Variants in DCP2 observed in about 807,000 individuals in gnomAD.
The protein encoded by DCP2 is m7GpppN-mRNA hydrolase.
DCP2 carries 30 observed loss-of-function variants against 56.1 expected under a neutral mutation model. That is an observed-to-expected ratio of 0.53 (90% CI 0.40 to 0.73). The LOEUF is 0.73. Among genes scored for constraint, DCP2 ranks in the 30% least tolerant of loss-of-function variants. The pLI is 0.00. For missense variants in DCP2, 533 were observed against 502.7 expected (o/e 1.06, Z -0.58); for synonymous variants, 197 against 163.3 (o/e 1.21, Z -1.57).
At chr5:112,983,571 A>T (rs150155166) in intron 1 of DCP2, among the ~76,000 whole-genome samples, 9 of 152,194 alleles carry the variant, frequency 5.9e-5, no homozygotes, top group African/African-American at 2.2e-4. Flanking sequence ...ACCTTTCAGC[A>T]CTGAAGGATA....
chr5:113,008,751 A>G (rs1353176054), intron 9 of DCP2, among the ~76,000 whole-genome samples: 1 of 152,226 alleles, frequency 6.6e-6, no homozygotes, highest in African/African-American at 2.4e-5. Context: ...TCTGTCTGAT[A>G]AAAGTGGTGA....
intron 1 of DCP2, among the ~76,000 whole-genome samples, chr5:112,981,502 T>A (rs1232669620): frequency 6.6e-6 from 1 of 152,164 alleles, no homozygotes; most frequent in Admixed American, 6.5e-5. Context: ...GTCTGTTATA[T>A]TTTGTGCTAT....
In DCP2 at chr5:113,014,316, T is replaced by G. The variant is rs1420433424; in HGVS notation, c.*832T>G. 2 of 152,346 alleles carry G rather than the reference T, an allele frequency of 1.3e-5. No homozygotes were observed. Among genetic ancestry groups the G allele is most frequent in the East Asian group, 3.8e-4 (2 of 5,196 alleles). The allele number at this position is 152,346 out of a possible 1,614,324, so 9.4% of individuals were successfully genotyped here. A position where few individuals can be genotyped will look rare whatever the true frequency, so the allele number is the denominator to read the frequency against. ...GTTCTTGTGGAAATTTCTTCTGTAT[T>G]CCAGTTGTGTAAATATGTATGGAAA... On this transcript the variant is annotated 3_prime_UTR_variant, in exon 11 of 11. Coordinates refer to ENST00000389063, the MANE Select transcript of DCP2 (RefSeq NM_152624.6).
chr5:112,976,981 C>T lies in DCP2; in HGVS notation c.48C>T (p.Leu16=). 6.4e-7 allele frequency: 1 copy of T among 1,559,650 alleles called. No individual in the cohort carries two copies. The highest frequency in any genetic ancestry group is 2.4e-5 in the East Asian group (1 of 41,920). ...VEIPGSVLDD[L]CSRFILHIPS... ...TTCCCGGCAGCGTCCTGGACGATCTCTGCAGGTACCGCGCTACCCGACCCC... is the reference window on the plus strand; with the variant it reads ...TTCCCGGCAGCGTCCTGGACGATCTTTGCAGGTACCGCGCTACCCGACCCC... The change falls in exon 1 of 11, where the codon CTC becomes CTT. Residue 16 remains leucine (L), a synonymous_variant. Transcript: ENST00000389063.
chr5:112,988,221 G>T (rs1156378552), intron 2 of DCP2, among the ~76,000 whole-genome samples: 1 of 151,708 alleles, frequency 6.6e-6, no homozygotes, highest in Non-Finnish European at 1.5e-5. Flanking sequence ...GGTGGCTCAT[G>T]CCTGTAATCC....
At chr5:112,981,772 TTTTG>T (rs1748017837) in intron 1 of DCP2, among the ~76,000 whole-genome samples, 3 of 152,122 alleles carry the variant, frequency 2.0e-5, no homozygotes, top group South Asian at 2.1e-4. Flanking sequence ...CTTCTAGCCT[TTTTG>T]TTTGTTTGTT....
At chr5:113,008,506 G>T (rs866617999) in intron 9 of DCP2, among the ~76,000 whole-genome samples, 62 of 152,202 alleles carry the variant, frequency 4.1e-4, no homozygotes, top group Middle Eastern at 3.4e-3. Flanking sequence ...CTTTTGTTTA[G>T]TCAGTCCTCC....
intron 1 of DCP2, among the ~76,000 whole-genome samples, chr5:112,982,986 T>C (rs1339027110): frequency 6.6e-6 from 1 of 152,230 alleles, no homozygotes; most frequent in Non-Finnish European, 1.5e-5. Context: ...GTTTTTCATT[T>C]TTTAAAATAC....
At chr5:112,988,650 C>T (rs187393963) in intron 2 of DCP2, among the ~76,000 whole-genome samples, 156 of 152,160 alleles carry the variant, frequency 1.0e-3, no homozygotes, top group African/African-American at 3.7e-3. Context: ...AATGATCAAA[C>T]CGTTTGATTA....
intron 1 of DCP2, among the ~76,000 whole-genome samples, chr5:112,977,905 T>C (rs1747794559): frequency 6.6e-6 from 1 of 152,230 alleles, no homozygotes; most frequent in Admixed American, 6.5e-5. Flanking sequence ...ATCTCCTTCA[T>C]GCAGTTTTTT....
intron 8 of DCP2, 71 bp downstream of exon 8, chr5:113,004,148 G>A (rs1160615717): frequency 2.0e-6 from 3 of 1,532,030 alleles, no homozygotes; most frequent in East Asian, 2.3e-5. Context: ...CTCAATTGGA[G>A]AATTACATCT....
rs148390989 is a variant in DCP2, at chr5:112,988,159, C to T, written c.205+2173C>T. On this transcript the variant is annotated intron_variant, in intron 2 of 10. Transcript: ENST00000389063. ...TTAACCATAGCACATTTTTGAGCAA[C>T]GGTAAAGAATATTACTCTGATCATT... is the stretch of plus-strand genomic sequence containing the variant. 1.0e-2 allele frequency among the ~76,000 whole-genome samples: 1,519 copies of T among 151,988 alleles called. 17 individuals carry two copies. The highest frequency in any genetic ancestry group is 0.015 in the Admixed American group (222 of 15,258).
chr5:113,016,826 C>T lies in DCP2; in HGVS notation c.*3342C>T, dbSNP rs184696916. 4.1e-5 allele frequency: 6 copies of T among 146,012 alleles called. No homozygotes were observed. The highest frequency in any genetic ancestry group is 7.5e-5 in the Non-Finnish European group (5 of 67,032). The allele number at this position is 146,012 out of a possible 1,614,324, so 9.0% of individuals were successfully genotyped here. A position where few individuals can be genotyped will look rare whatever the true frequency, so the allele number is the denominator to read the frequency against. ...TTTTGCCAAGTTAGTTTTCTTACCACAATACCCTCTTGGCTTTTTTTTTTT... is the reference window on the plus strand; with the variant it reads ...TTTTGCCAAGTTAGTTTTCTTACCATAATACCCTCTTGGCTTTTTTTTTTT... On this transcript the variant is annotated 3_prime_UTR_variant, in exon 11 of 11. Coordinates refer to ENST00000389063, the MANE Select transcript of DCP2 (RefSeq NM_152624.6).
At chr5:112,980,756 A>C (rs1318689704) in intron 1 of DCP2, among the ~76,000 whole-genome samples, 2 of 152,182 alleles carry the variant, frequency 1.3e-5, no homozygotes, top group African/African-American at 2.4e-5. Flanking sequence ...CAACAGTCTT[A>C]GTTTCTTTCC....
chr5:112,990,415 G>A (rs1039767981), intron 2 of DCP2, among the ~76,000 whole-genome samples: 15 of 152,066 alleles, frequency 9.9e-5, no homozygotes, highest in Admixed American at 7.2e-4. Flanking sequence ...TTTGCTCCTT[G>A]GCTGAAGTTC....
chr5:112,999,922 A>G (rs1343917482), intron 4 of DCP2, among the ~76,000 whole-genome samples: 1 of 151,806 alleles, frequency 6.6e-6, no homozygotes, highest in African/African-American at 2.4e-5. Context: ...TTAGCTGGGC[A>G]TGGTGACAGG....
intron 2 of DCP2, 75 bp from the exon 3 acceptor site, chr5:112,992,045 TA>T (rs1205280312): frequency 1.3e-6 from 2 of 1,553,098 alleles, no homozygotes; most frequent in East Asian, 4.6e-5. Flanking sequence ...ACTATTGATT[TA>T]AATGGGTCTC....
In DCP2 at chr5:113,021,205, A is replaced by G. The variant is rs766707527; in HGVS notation, c.*7721A>G. On this transcript the variant is annotated 3_prime_UTR_variant, in exon 11 of 11. Transcript: ENST00000389063. ...CCAGCCTGACCAACATGGTGAAACT[A>G]AAAATTCAAAAATTAGCTGGGCGTG... 6.6e-6 allele frequency among the ~76,000 whole-genome samples: 1 copy of G among 151,974 alleles called. No homozygotes were observed. The highest frequency in any genetic ancestry group is 2.4e-5 in the African/African-American group (1 of 41,382).
rs1580829974 is a variant in DCP2, at chr5:113,006,843, T to A, written c.943-1095T>A. On this transcript the variant is annotated intron_variant, in intron 8 of 10. Coordinates refer to ENST00000389063, the MANE Select transcript of DCP2 (RefSeq NM_152624.6). ...GAATAATGGCCCACATTTTAAAACA[T>A]AAATCTTAGCCGGGAACGTTGGCTC... is the stretch of plus-strand genomic sequence containing the variant. 1.3e-5 allele frequency among the ~76,000 whole-genome samples: 2 copies of A among 152,168 alleles called. 1 individual carries two copies. The highest frequency in any genetic ancestry group is 4.1e-4 in the South Asian group (2 of 4,830).
Sources: allele counts gnomAD v4.1 joint callset (sites outside exome capture counted in the v4.1 genomes callset), GRCh38; gene constraint gnomAD v4.1.1; transcripts MANE v1.5; gene names NCBI Gene and HGNC (gene_info 2026-07-23, HGNC 2026-07-21).